Variants in MARCHF5 observed in about 807,000 individuals in gnomAD.
MARCHF5 encodes membrane associated ring-CH-type finger 5, also known as E3 ubiquitin-protein ligase MARCHF5.
A neutral mutation model predicts 36.5 loss-of-function variants in MARCHF5; 5 were observed. The observed-to-expected ratio is 0.14, with a 90% CI of 0.07 to 0.29. The LOEUF (loss-of-function observed/expected upper bound fraction) is 0.29. Ranked by LOEUF, MARCHF5 falls within the 10% of genes least tolerant of loss-of-function variation. MARCHF5 has a pLI of 1.00. For missense variants in MARCHF5, 179 were observed against 336.3 expected (o/e 0.53, Z 3.66); for synonymous variants, 103 against 109.9 (o/e 0.94, Z 0.39).
At chr10:92,314,622 A>G (rs1475480940) in intron 2 of MARCHF5, among the ~76,000 whole-genome samples, 1 of 152,158 alleles carries the variant, frequency 6.6e-6, no homozygotes, top group African/African-American at 2.4e-5. Context: ...AGCCTGGGCG[A>G]CAGAGCAAGA....
chr10:92,333,851 T>C (rs1361237513), intron 2 of MARCHF5, among the ~76,000 whole-genome samples: 3 of 152,156 alleles, frequency 2.0e-5, no homozygotes, highest in Admixed American at 6.5e-5. Context: ...AATCTGTACT[T>C]CTGGGTGGCT....
chr10:92,294,421 A>G (rs954042246), intron 1 of MARCHF5, among the ~76,000 whole-genome samples: 2 of 152,146 alleles, frequency 1.3e-5, no homozygotes, highest in Non-Finnish European at 2.9e-5. Flanking sequence ...CAGTTTGGCC[A>G]TTTTTCCCCC....
At chr10:92,310,966 C>T (rs761620526) in intron 1 of MARCHF5, among the ~76,000 whole-genome samples, 169 bp from the exon 2 acceptor site, 20 of 152,196 alleles carry the variant, frequency 1.3e-4, no homozygotes, top group Non-Finnish European at 2.6e-4. Flanking sequence ...AAAGTAGAAA[C>T]TGCTCTAGTG....
At chr10:92,317,982 C>G (rs1359007306) in intron 2 of MARCHF5, among the ~76,000 whole-genome samples, 1 of 152,076 alleles carries the variant, frequency 6.6e-6, no homozygotes, top group Non-Finnish European at 1.5e-5. Context: ...AACTCCTGAC[C>G]TCAGGTGATC....
intron 2 of MARCHF5, among the ~76,000 whole-genome samples, chr10:92,334,057 G>A (rs1370187196): frequency 6.6e-6 from 1 of 152,162 alleles, no homozygotes; most frequent in African/African-American, 2.4e-5. Flanking sequence ...AGGTGTGGTG[G>A]CATGTACCTG....
intron 1 of MARCHF5, among the ~76,000 whole-genome samples, chr10:92,301,260 A>G (rs1020423315): frequency 6.6e-6 from 1 of 152,232 alleles, no homozygotes; most frequent in Non-Finnish European, 1.5e-5. Context: ...GTAAACTGAA[A>G]GGGATTTGCC....
rs946172609 is a variant in MARCHF5, at chr10:92,296,006, G to A, written c.35+4477G>A. On this transcript the variant is annotated intron_variant, in intron 1 of 5. Coordinates refer to ENST00000358935, the MANE Select transcript of MARCHF5 (RefSeq NM_017824.5). ...TTCTCCTGCCTTAGCTTCCGGAGTAGCTGGGATTACAGGCATGTGCCACCA... is the reference window on the plus strand; with the variant it reads ...TTCTCCTGCCTTAGCTTCCGGAGTAACTGGGATTACAGGCATGTGCCACCA... Among the ~76,000 whole-genome samples the A allele has an allele frequency of 7.2e-5, 11 of 151,938 alleles. No individual in the cohort carries two copies. The East Asian group carries it at 2.1e-3, about 29-fold the overall frequency.
At chr10:92,331,895 A>G (rs960786377) in intron 2 of MARCHF5, among the ~76,000 whole-genome samples, 1 of 146,928 alleles carries the variant, frequency 6.8e-6, no homozygotes, top group African/African-American at 2.5e-5. Flanking sequence ...ATATGTATAT[A>G]TAATCATATA....
At chr10:92,345,755 G>A (rs1843635823) in intron 3 of MARCHF5, among the ~76,000 whole-genome samples, 3 of 145,348 alleles carry the variant, frequency 2.1e-5, no homozygotes, top group Admixed American at 1.4e-4. Context: ...ATGCAGTGGC[G>A]CAGTCACGGC....
Position 92,311,178 on chromosome 10 carries a change from G to C in MARCHF5, c.79G>C (p.Ala27Pro). 1 of 1,614,128 alleles carries C rather than the reference G, an allele frequency of 6.2e-7. No individual in the cohort carries two copies. Among genetic ancestry groups the C allele is most frequent in the Non-Finnish European group, 8.5e-7 (1 of 1,179,988 alleles). Residue 27 changes from alanine (A) to proline (P), a missense_variant, in exon 2 of 6, where the codon GCT becomes CCT. This residue lies in a region of MARCHF5 where 66 missense variants were observed against 180.5 expected (regional missense o/e 0.37). Coordinates refer to ENST00000358935, the MANE Select transcript of MARCHF5 (RefSeq NM_017824.5). ...TGCTACTGATGAAGATGATAGAACA[G>C]CTGAATGGGTGAGACCATGCAGGTG... ...CFATDEDDRT[A>P]EWVRPCRCRG...
chr10:92,338,239 T>G (rs1358197348), intron 2 of MARCHF5, among the ~76,000 whole-genome samples: 1 of 152,174 alleles, frequency 6.6e-6, no homozygotes, highest in Non-Finnish European at 1.5e-5. Flanking sequence ...GCTGAGGTTT[T>G]ATATATACTT....
At chr10:92,325,348 T>G (rs891820462) in intron 2 of MARCHF5, among the ~76,000 whole-genome samples, 2 of 152,056 alleles carry the variant, frequency 1.3e-5, no homozygotes. Context: ...ATGTCTTAAA[T>G]AAAAAGAGAG....
chr10:92,293,118 G>A (rs1461278621), intron 1 of MARCHF5, among the ~76,000 whole-genome samples: 2 of 151,896 alleles, frequency 1.3e-5, no homozygotes, highest in African/African-American at 4.8e-5. Flanking sequence ...TTGAGACAGG[G>A]TCTCTGTTGC....
chr10:92,307,664 A>G (rs909987456), intron 1 of MARCHF5, among the ~76,000 whole-genome samples: 3 of 151,992 alleles, frequency 2.0e-5, no homozygotes, highest in African/African-American at 7.2e-5. Flanking sequence ...CACTTGAGGT[A>G]AGGAGTTCAA....
intron 2 of MARCHF5, among the ~76,000 whole-genome samples, chr10:92,321,874 G>A (rs1249199021): frequency 6.6e-6 from 1 of 151,834 alleles, no homozygotes; most frequent in African/African-American, 2.4e-5. Context: ...TGTAAGATTG[G>A]TAGTAATGCC....
rs879007065 is a variant in MARCHF5 at position 92,351,037 on chromosome 10, ACT to A, written c.721-51_721-50del. 34 of 935,904 alleles carry A rather than the reference ACT, an allele frequency of 3.6e-5. 1 individual carries two copies. In the South Asian group the frequency reaches 4.1e-4, roughly 11 times the overall value. 58.0% of individuals were successfully genotyped at this position (935,904 alleles called of 1,614,324 possible). On this transcript the variant is annotated intron_variant, in intron 5 of 5. Coordinates refer to ENST00000358935, the MANE Select transcript of MARCHF5 (RefSeq NM_017824.5). ...TGATCTAAATAAAATTATTTTTATT[ACT>A]CTGTTTCTCTAAATCTGCATTATAA...
At chr10:92,299,751 G>A (rs1842990346) in intron 1 of MARCHF5, among the ~76,000 whole-genome samples, 1 of 152,160 alleles carries the variant, frequency 6.6e-6, no homozygotes, top group African/African-American at 2.4e-5. Context: ...AAGGGCCTTA[G>A]TGCATAGGAG....
At chr10:92,337,845 G>A (rs1478042109) in intron 2 of MARCHF5, among the ~76,000 whole-genome samples, 5 of 151,846 alleles carry the variant, frequency 3.3e-5, no homozygotes, top group Admixed American at 6.6e-5. Context: ...GGAGAGCGTC[G>A]ATAAATGTTC....
At chr10:92,301,078 G>T (rs981142313) in intron 1 of MARCHF5, among the ~76,000 whole-genome samples, 1 of 151,882 alleles carries the variant, frequency 6.6e-6, no homozygotes, top group African/African-American at 2.4e-5. Flanking sequence ...GTAGAAACAG[G>T]GTTTCACTGT....
Sources: allele counts gnomAD v4.1 joint callset (sites outside exome capture counted in the v4.1 genomes callset), GRCh38; gene constraint gnomAD v4.1.1; regional missense constraint gnomAD v4.1.1; transcripts MANE v1.5; gene names NCBI Gene and HGNC (gene_info 2026-07-23, HGNC 2026-07-21).